ERI1: variants seen among roughly 807,000 people sequenced by gnomAD.
ERI1 encodes 3'-5' exoribonuclease 1.
A neutral mutation model predicts 39.7 loss-of-function variants in ERI1; 39 were observed. The observed-to-expected ratio is 0.98, with a 90% CI of 0.76 to 1.28. The LOEUF (loss-of-function observed/expected upper bound fraction) is 1.28. ERI1 is among the 50% of genes most tolerant of loss of function. The pLI is 0.00. For synonymous variants in ERI1, 204 were observed against 149.6 expected (o/e 1.36, Z -2.65); for missense variants, 581 against 416.9 (o/e 1.39, Z -3.43).
Position 9,010,228 on chromosome 8 carries a change from G to A in ERI1, c.288-1314G>A, listed in dbSNP as rs1315637456. ...AGGTTTCTATCCAGAGCAACTAGTTGTATGTTTGTCCTGCCATTAGCTTTG... is the reference window on the plus strand; with the variant it reads ...AGGTTTCTATCCAGAGCAACTAGTTATATGTTTGTCCTGCCATTAGCTTTG... On this transcript the variant is annotated intron_variant, in intron 2 of 6. Coordinates refer to ENST00000250263, the MANE Select transcript of ERI1 (RefSeq NM_153332.4). Among the ~76,000 whole-genome samples, 3 of 152,186 alleles carry A rather than the reference G, an allele frequency of 2.0e-5. No individual in the cohort carries two copies. In the East Asian group the frequency reaches 5.8e-4, roughly 29 times the overall value.
rs140702913 is a variant in ERI1 at position 9,025,951 on chromosome 8, A to G, written c.808-3841A>G. ...AGTTTCATACAGTTTTGTGGATGAAACAGTGTATGTACATTGAGCCATTAG... is the reference window on the plus strand; with the variant it reads ...AGTTTCATACAGTTTTGTGGATGAAGCAGTGTATGTACATTGAGCCATTAG... On this transcript the variant is annotated intron_variant, in intron 6 of 6. Coordinates refer to ENST00000250263, the MANE Select transcript of ERI1 (RefSeq NM_153332.4). 1.6e-3 allele frequency among the ~76,000 whole-genome samples: 251 copies of G among 152,260 alleles called. 1 individual carries two copies. The highest frequency in any genetic ancestry group is 6.8e-3 in the Middle Eastern group (2 of 294).
chr8:9,018,883 A>T (rs919581120), intron 5 of ERI1, among the ~76,000 whole-genome samples: 3 of 152,100 alleles, frequency 2.0e-5, no homozygotes, highest in Admixed American at 1.3e-4. Flanking sequence ...TCATTTTTCA[A>T]AGCCCATCTT....
In ERI1 at chr8:9,045,440, C is replaced by T. The variant is rs144722875; in HGVS notation, n.299+24976C>T. Among the ~76,000 whole-genome samples, 33 of 151,956 alleles carry T rather than the reference C, an allele frequency of 2.2e-4. No individual in the cohort carries two copies. In the South Asian group the frequency reaches 2.3e-3, roughly 11 times the overall value. The stretch of plus-strand genomic sequence containing the variant: ...GAATAGATAGCTTAATAGGCAGGCT[C>T]TCATTAGACTTTAGTAGAAACATTC... On this transcript the variant is annotated intron_variant and non_coding_transcript_variant, in intron 3 of 3. Coordinates refer to the ERI1 transcript ENST00000518663.
chr8:9,041,245 A>G (rs1563350865), intron 3 of ERI1, among the ~76,000 whole-genome samples: 2 of 152,052 alleles, frequency 1.3e-5, no homozygotes, highest in African/African-American at 4.8e-5. Flanking sequence ...ATACAAAGAA[A>G]CCTTAAGTCG....
Position 9,014,991 on chromosome 8 carries a change from C to G in ERI1, c.499-1331C>G, listed in dbSNP as rs149472439. Among the ~76,000 whole-genome samples the G allele has an allele frequency of 4.6e-5, 7 of 152,242 alleles. No individual in the cohort carries two copies. The East Asian group carries it at 1.4e-3, about 29-fold the overall frequency. ...TAGTTGGAACTATACGTGCATGCCA[C>G]CTCGCCCAGCTAATTTTTGTATTTT... On this transcript the variant is annotated intron_variant, in intron 3 of 6. Transcript: ENST00000250263.
intron 3 of ERI1, among the ~76,000 whole-genome samples, chr8:9,094,873 C>A (rs534970769): frequency 6.6e-6 from 1 of 152,182 alleles, no homozygotes; most frequent in East Asian, 1.9e-4. Context: ...AAAACGTAAT[C>A]CTTTTATGTA....
intron 3 of ERI1, among the ~76,000 whole-genome samples, chr8:9,045,554 G>A (rs1798148101): frequency 1.3e-5 from 2 of 151,998 alleles, no homozygotes; most frequent in African/African-American, 4.8e-5. Context: ...CTCAGCTACT[G>A]GGGAGGCCAA....
chr8:9,014,987 G>A (rs1817074390), intron 3 of ERI1, among the ~76,000 whole-genome samples: 1 of 152,080 alleles, frequency 6.6e-6, no homozygotes, highest in Non-Finnish European at 1.5e-5. Flanking sequence ...ATACGTGCAT[G>A]CCACCTCGCC....
chr8:9,015,722 C>CAAAAAAAAAAAAAAAAAAA (rs758835506), intron 3 of ERI1, among the ~76,000 whole-genome samples: 6 of 56,576 alleles, frequency 1.1e-4, no homozygotes, highest in African/African-American at 4.9e-4. Flanking sequence ...ACTCTGTCTC[C>CAAAAAAAAAAAAAAAAAAA]AAAAAAAAAA....
At chr8:9,077,028 C>T (rs1475417986) in intron 3 of ERI1, among the ~76,000 whole-genome samples, 1 of 152,246 alleles carries the variant, frequency 6.6e-6, no homozygotes, top group Non-Finnish European at 1.5e-5. Context: ...CCATGCTCTT[C>T]CCCTTCCAAT....
At chr8:9,055,006 A>C (rs1157977154) in intron 3 of ERI1, among the ~76,000 whole-genome samples, 1 of 152,240 alleles carries the variant, frequency 6.6e-6, no homozygotes, top group East Asian at 1.9e-4. Context: ...GAACTGTTAA[A>C]AGAAAAACTT....
At chr8:9,028,192 T>G (rs575353454) in intron 6 of ERI1, among the ~76,000 whole-genome samples, 129 of 152,344 alleles carry the variant, frequency 8.5e-4, no homozygotes, top group Non-Finnish European at 1.3e-3. Flanking sequence ...AGCAAAGCTA[T>G]CTGGTTCAGC....
intron 3 of ERI1, among the ~76,000 whole-genome samples, chr8:9,055,633 TG>T (rs1283111975): frequency 6.6e-6 from 1 of 152,120 alleles, no homozygotes; most frequent in Non-Finnish European, 1.5e-5. Flanking sequence ...TCTGCCTCCC[TG>T]GTTCAAGCCA....
chr8:9,078,502 A>G (rs1016818641), intron 3 of ERI1, among the ~76,000 whole-genome samples: 1 of 152,184 alleles, frequency 6.6e-6, no homozygotes, highest in Non-Finnish European at 1.5e-5. Context: ...TTTTTAACCC[A>G]AAGTGCAGAC....
At chr8:9,009,400 G>C (rs146449108) in intron 2 of ERI1, among the ~76,000 whole-genome samples, 182 of 152,254 alleles carry the variant, frequency 1.2e-3, no homozygotes, top group African/African-American at 4.1e-3. Context: ...AGAAAAGGGA[G>C]GGGGAGGGTA....
chr8:9,075,114 T>TA (rs1182008775), intron 3 of ERI1, among the ~76,000 whole-genome samples: 1 of 152,216 alleles, frequency 6.6e-6, no homozygotes. Context: ...TTCTTTCTAA[T>TA]GAGTCACAGT....
chr8:9,002,990 G>A lies in ERI1; in HGVS notation c.-74G>A, dbSNP rs985367868. ...GTAATTTTTCAACGGAGAAAGGCGA[G>A]GCTTTCGGGCTCTGCAGAGTGAGAG... On this transcript the variant is annotated 5_prime_UTR_variant, in exon 1 of 7. Coordinates refer to ENST00000250263, the MANE Select transcript of ERI1 (RefSeq NM_153332.4). 8.6e-6 allele frequency: 9 copies of A among 1,042,030 alleles called. No individual in the cohort carries two copies. The African/African-American group carries it at 1.3e-4, about 15-fold the overall frequency. 64.5% of individuals were successfully genotyped at this position (1,042,030 alleles called of 1,614,324 possible).
chr8:9,060,663 T>C (rs779686159), intron 3 of ERI1, among the ~76,000 whole-genome samples: 14 of 152,154 alleles, frequency 9.2e-5, no homozygotes, highest in Non-Finnish European at 1.6e-4. Context: ...TAAGAACCAT[T>C]TGCCTTGTGT....
rs57915239 is a variant in ERI1 at position 9,017,608 on chromosome 8, G to T, written c.583-689G>T. ...CAGAGGGAATAGAAGACTGTCCTGGGGAAAAACATCCTCAAGTTGATGAAC... is the reference window on the plus strand; with the variant it reads ...CAGAGGGAATAGAAGACTGTCCTGGTGAAAAACATCCTCAAGTTGATGAAC... On this transcript the variant is annotated intron_variant, in intron 4 of 6. Transcript: ENST00000250263. 7.1e-3 allele frequency among the ~76,000 whole-genome samples: 1,079 copies of T among 152,234 alleles called. 7 individuals are homozygous for T. Among genetic ancestry groups the T allele is most frequent in the African/African-American group, 0.024 (991 of 41,538 alleles).
Sources: gnomAD v4.1 joint callset for allele counts (sites outside exome capture counted in the v4.1 genomes callset) on GRCh38, gnomAD v4.1.1 for gene constraint, MANE v1.5 for transcripts, NCBI Gene and HGNC (gene_info 2026-07-23, HGNC 2026-07-21) for gene names.